The following SLC24A2 variants were observed in gnomAD, a reference collection of about 807,000 sequenced individuals.
SLC24A2 encodes the protein sodium/potassium/calcium exchanger 2.
Under a neutral mutation model 62.0 loss-of-function variants are expected in SLC24A2, and 36 were observed. The ratio of observed to expected loss-of-function variants is 0.58; its 90% CI spans 0.44 to 0.77. The LOEUF is 0.77. SLC24A2 is among the 30% of genes least tolerant of loss of function. The pLI, the probability that SLC24A2 is intolerant of heterozygous loss-of-function variation, is 0.00. For missense variants in SLC24A2, 846 were observed against 817.9 expected, an observed-to-expected ratio of 1.03 and a Z score of -0.42; for synonymous variants, 358 against 294.0, an observed-to-expected ratio of 1.22 and a Z score of -2.23.
chr9:19,810,917 A>G, the SLC24A2 span, among the ~76,000 whole-genome samples: 1 of 152,220 alleles, frequency 6.6e-6, no homozygotes, highest in South Asian at 2.1e-4. Flanking sequence ...AAAATAAAAC[A>G]TACTGGGAAC....
chr9:20,054,485 C>T, the SLC24A2 span, among the ~76,000 whole-genome samples: 1 of 152,208 alleles, frequency 6.6e-6, no homozygotes, highest in Admixed American at 6.5e-5. Context: ...AGCCACTGCA[C>T]CTGGTCATTT....
chr9:20,217,423 T>A, the SLC24A2 span, among the ~76,000 whole-genome samples: 3 of 152,192 alleles, frequency 2.0e-5, no homozygotes, highest in Non-Finnish European at 4.4e-5. Flanking sequence ...GTTCCCTTTG[T>A]ATAATTGATC....
At chr9:19,792,219 A>G (rs2118965940), upstream of SLC24A2, among the ~76,000 whole-genome samples, 1 of 152,320 alleles carries the variant, frequency 6.6e-6, no homozygotes, top group East Asian at 1.9e-4. Context: ...AGTGTCTACA[A>G]TTCCACCATT....
intron 2 of SLC24A2, among the ~76,000 whole-genome samples, chr9:19,633,948 G>A (rs1263138101): frequency 6.6e-6 from 1 of 152,088 alleles, no homozygotes; most frequent in Admixed American, 6.5e-5. Flanking sequence ...TAATTTTGAT[G>A]AGGTTGAATT....
At chr9:20,221,038 T>G in the SLC24A2 span, among the ~76,000 whole-genome samples, 2 of 152,176 alleles carry the variant, frequency 1.3e-5, no homozygotes, top group Non-Finnish European at 2.9e-5. Context: ...AAAATTCTGA[T>G]TCTTCTAAGC....
the SLC24A2 span, among the ~76,000 whole-genome samples, chr9:20,006,024 T>C: frequency 6.6e-6 from 1 of 151,886 alleles, no homozygotes; most frequent in African/African-American, 2.4e-5. Flanking sequence ...TATGCTTATG[T>C]ACACACAAAC....
the SLC24A2 span, among the ~76,000 whole-genome samples, chr9:20,019,137 GAAAGAAAGAAAGAAAGAA>G: frequency 1.9e-5 from 2 of 105,446 alleles, no homozygotes; most frequent in Non-Finnish European, 3.9e-5. Flanking sequence ...AAGAAAGAAA[GAAAGAAAGAAAGAAAGAA>G]AGAGAGAGAG....
the SLC24A2 span, among the ~76,000 whole-genome samples, chr9:19,822,281 C>A: frequency 6.6e-6 from 1 of 152,142 alleles, no homozygotes; most frequent in South Asian, 2.1e-4. Context: ...TCAGGCTTGG[C>A]CTGCATTTTA....
At chr9:19,785,720 G>T (rs1232592772) in intron 2 of SLC24A2, among the ~76,000 whole-genome samples, 1 of 152,180 alleles carries the variant, frequency 6.6e-6, no homozygotes, top group Non-Finnish European at 1.5e-5. Flanking sequence ...TTACTCTGAA[G>T]CAAGTAGCTG....
At chr9:19,933,462 A>G in the SLC24A2 span, among the ~76,000 whole-genome samples, 21 of 151,990 alleles carry the variant, frequency 1.4e-4, no homozygotes, top group South Asian at 4.4e-3. Context: ...TTTGATTCTT[A>G]GTTCCATTCA....
the SLC24A2 span, among the ~76,000 whole-genome samples, chr9:20,012,010 C>A: frequency 6.6e-6 from 1 of 151,976 alleles, no homozygotes; most frequent in Admixed American, 6.6e-5. Context: ...AAACTTTTAA[C>A]AGATTAGGTA....
rs77274592 is a variant in SLC24A2, at chr9:19,772,175, T to C, written c.930+13762A>G. Among the ~76,000 whole-genome samples the C allele has an allele frequency of 9.9e-4, 151 of 152,306 alleles. 2 individuals carry two copies. In the East Asian group the frequency reaches 0.021, roughly 22 times the overall value. On this transcript the variant is annotated intron_variant, in intron 2 of 10. Coordinates refer to ENST00000341998, the MANE Select transcript of SLC24A2 (RefSeq NM_020344.4). ...CAGATGACAGGCATCCTGGGTCCAA[T>C]GTTCAAGTAGCTTTGCATTCCCAGG... is the stretch of plus-strand genomic sequence containing the variant.
At chr9:20,154,212 G>T in the SLC24A2 span, among the ~76,000 whole-genome samples, 1 of 151,792 alleles carries the variant, frequency 6.6e-6, no homozygotes, top group Non-Finnish European at 1.5e-5. Flanking sequence ...TCATGAAAAA[G>T]ACCTGTGTGT....
At chr9:20,192,100 G>T in the SLC24A2 span, among the ~76,000 whole-genome samples, 3 of 152,186 alleles carry the variant, frequency 2.0e-5, no homozygotes, top group Non-Finnish European at 4.4e-5. Flanking sequence ...AAATTTTCAT[G>T]AAAGTGTTGG....
chr9:19,680,174 G>T lies in SLC24A2; in HGVS notation c.931-57875C>A, dbSNP rs184586655. ...AACTCTATTAACACTGAGAAGTACT[G>T]AAAGTAGGCCGAGGTCCCTGTGTGT... On this transcript the variant is annotated intron_variant, in intron 2 of 10. Transcript: ENST00000341998. 2.2e-3 allele frequency among the ~76,000 whole-genome samples: 332 copies of T among 152,204 alleles called. 3 individuals carry two copies. The highest frequency in any genetic ancestry group is 7.6e-3 in the African/African-American group (316 of 41,542).
At chr9:19,763,362 C>T (rs1032382732) in intron 2 of SLC24A2, among the ~76,000 whole-genome samples, 3 of 152,116 alleles carry the variant, frequency 2.0e-5, no homozygotes, top group Admixed American at 6.5e-5. Context: ...TGTTGAATAG[C>T]AGTGGTGAGA....
At chr9:20,086,096 C>G in the SLC24A2 span, among the ~76,000 whole-genome samples, 5 of 152,282 alleles carry the variant, frequency 3.3e-5, no homozygotes, top group Middle Eastern at 3.4e-3. Flanking sequence ...TGTTGCTCCT[C>G]CCTCTCAGAG....
chr9:20,225,564 A>ATATATATATAATATATATTATATATATAT, the SLC24A2 span, among the ~76,000 whole-genome samples: 12,799 of 115,678 alleles, frequency 0.11, 1,801 homozygotes, highest in Middle Eastern at 0.17. Flanking sequence ...TATATATTAT[A>ATATATATATAATATATATTATATATATAT]TATATATATA....
At chr9:19,516,713 C>G (rs1342494570) in intron 10 of SLC24A2, among the ~76,000 whole-genome samples, 3 of 152,154 alleles carry the variant, frequency 2.0e-5, no homozygotes, top group Middle Eastern at 3.4e-3. Flanking sequence ...TGTTTCCTTC[C>G]TAGTTGAGAT....
Sources: gnomAD v4.1 joint callset for allele counts (sites outside exome capture counted in the v4.1 genomes callset) on GRCh38, gnomAD v4.1.1 for gene constraint, MANE v1.5 for transcripts, NCBI Gene and HGNC (gene_info 2026-07-23, HGNC 2026-07-21) for gene names.